The following WDPCP variants were observed in gnomAD, a reference collection of about 807,000 sequenced individuals.
WDPCP encodes the protein WD repeat-containing and planar cell polarity effector protein fritz homolog.
WDPCP carries 71 observed loss-of-function variants against 93.1 expected under a neutral mutation model. The observed-to-expected ratio is 0.76, with a 90% CI of 0.63 to 0.93. The LOEUF is 0.93. Ranked by LOEUF, WDPCP falls within the 40% of genes least tolerant of loss-of-function variation. The pLI, the probability that WDPCP is intolerant of heterozygous loss-of-function variation, is 0.00. For missense variants in WDPCP, 844 were observed against 887.4 expected, an observed-to-expected ratio of 0.95 and a Z score of 0.62; for synonymous variants, 315 against 315.0, an observed-to-expected ratio of 1.00 and a Z score of 0.00.
At chr2:63,503,152 T>C (rs1009894300) in intron 1 of WDPCP, among the ~76,000 whole-genome samples, 1 of 152,238 alleles carries the variant, frequency 6.6e-6, no homozygotes, top group Non-Finnish European at 1.5e-5. Context: ...AAATAGATCT[T>C]GTCAATTTAA....
the WDPCP span, among the ~76,000 whole-genome samples, chr2:63,840,131 A>C: frequency 6.6e-6 from 1 of 152,234 alleles, no homozygotes; most frequent in African/African-American, 2.4e-5. Flanking sequence ...GGCGCTGGCA[A>C]ATCATCTGCC....
chr2:63,301,827 T>TAC (rs1685356786), intron 13 of WDPCP, among the ~76,000 whole-genome samples: 1 of 150,722 alleles, frequency 6.6e-6, no homozygotes, highest in Non-Finnish European at 1.5e-5. Flanking sequence ...TCTAGATGGG[T>TAC]ACTATCTGAA....
intron 2 of WDPCP, among the ~76,000 whole-genome samples, chr2:63,759,767 C>T (rs147356473): frequency 4.6e-5 from 7 of 152,346 alleles, no homozygotes; most frequent in East Asian, 1.9e-4. Context: ...TCCTTCTCAC[C>T]GGCCTGCTGC....
At chr2:63,487,350 ATCTAAAGCTCATGAGAAGAGAGCT>A in intron 3 of WDPCP, 73 bp downstream of exon 3, 1 of 868,614 alleles carries the variant, frequency 1.2e-6, no homozygotes, top group East Asian at 2.6e-5. Flanking sequence ...TCTAGAATTT[ATCTAAAGCTCATGAGAAGAGAGCT>A]TTTAATGGTC....
At chr2:63,747,359 T>G (rs1051757198) in intron 2 of WDPCP, among the ~76,000 whole-genome samples, 6 of 152,192 alleles carry the variant, frequency 3.9e-5, no homozygotes, top group African/African-American at 1.4e-4. Context: ...GAAATCCTTC[T>G]GTACTCTGTT....
chr2:63,630,081 C>CAAAGCA (rs1709849132), intron 3 of WDPCP, among the ~76,000 whole-genome samples: 1 of 152,060 alleles, frequency 6.6e-6, no homozygotes, highest in Non-Finnish European at 1.5e-5. Context: ...ATCAGAAAAG[C>CAAAGCA]TAAGCATAAG....
At position 63,400,794 on chromosome 2, in the gene WDPCP, A is replaced by G. The variant is rs916155581; in HGVS notation, c.1435+3254T>C. Reference sequence around the variant, plus strand: ...ATGGTACTGGTACCAAAACTGATATATAGACCAATGGAAGAGAAAGAAGAG... The same window carrying G: ...ATGGTACTGGTACCAAAACTGATATGTAGACCAATGGAAGAGAAAGAAGAG... On this transcript the variant is annotated intron_variant, in intron 10 of 17. Coordinates refer to ENST00000272321, the MANE Select transcript of WDPCP (RefSeq NM_015910.7). Among the ~76,000 whole-genome samples the G allele has an allele frequency of 2.0e-5, 3 of 152,208 alleles. 1 individual carries two copies. The highest frequency in any genetic ancestry group is 4.4e-5 in the Non-Finnish European group (3 of 68,046).
chr2:63,294,508 GAAAAAAA>G (rs59228476), intron 13 of WDPCP, among the ~76,000 whole-genome samples: 1 of 48,320 alleles, frequency 2.1e-5, no homozygotes, highest in African/African-American at 8.9e-5. Context: ...AGACTGTTTC[GAAAAAAA>G]AAAAAAAAAA....
intron 1 of WDPCP, among the ~76,000 whole-genome samples, chr2:63,575,826 G>A (rs1395352010): frequency 1.3e-5 from 2 of 151,754 alleles, no homozygotes; most frequent in East Asian, 1.9e-4. Flanking sequence ...ATTTAAATGG[G>A]AGATAATTTA....
At position 63,609,192 on chromosome 2, in the gene WDPCP, C is replaced by T. The variant is rs555568979; in HGVS notation, n.488+41467G>A. On this transcript the variant is annotated intron_variant and non_coding_transcript_variant, in intron 3 of 4. Transcript: ENST00000467687. Reference sequence around the variant, plus strand: ...GACTAGCCTGGCCAACATGGTGAAACCCTGTCACTACTAAAAATACAAAAA... The same window carrying T: ...GACTAGCCTGGCCAACATGGTGAAATCCTGTCACTACTAAAAATACAAAAA... Among the ~76,000 whole-genome samples the T allele has an allele frequency of 2.0e-5, 3 of 152,192 alleles. No homozygotes were observed. The South Asian group carries it at 6.2e-4, about 32-fold the overall frequency.
chr2:63,235,108 A>T (rs1679272554), intron 14 of WDPCP, among the ~76,000 whole-genome samples: 1 of 152,162 alleles, frequency 6.6e-6, no homozygotes, highest in African/African-American at 2.4e-5. Context: ...CTACATTAAC[A>T]AAGAAAAAAG....
At chr2:63,258,991 T>C (rs916118347) in intron 14 of WDPCP, among the ~76,000 whole-genome samples, 2 of 152,192 alleles carry the variant, frequency 1.3e-5, no homozygotes, top group Non-Finnish European at 1.5e-5. Flanking sequence ...TAAATTTCTG[T>C]GTTGGTTAAT....
chr2:63,373,281 C>A (rs189010809), intron 12 of WDPCP, among the ~76,000 whole-genome samples: 8 of 141,336 alleles, frequency 5.7e-5, no homozygotes, highest in Non-Finnish European at 9.1e-5. Context: ...AAATGACATA[C>A]GGTCTTGCTC....
At chr2:63,834,648 A>G in the WDPCP span, among the ~76,000 whole-genome samples, 1 of 152,220 alleles carries the variant, frequency 6.6e-6, no homozygotes, top group African/African-American at 2.4e-5. Flanking sequence ...CAGCATCTCT[A>G]CAGGTAGAGT....
chr2:63,678,097 A>C lies in WDPCP; in HGVS notation n.309-27259T>G, dbSNP rs1215619787. On this transcript the variant is annotated intron_variant and non_coding_transcript_variant, in intron 2 of 4. Transcript: ENST00000467687. ...AATAGGGGTTCATTTTTCTAATATA[A>C]CAAGAAATTAATGCAAATGCCAAAT... is the stretch of plus-strand genomic sequence containing the variant. 3.3e-5 allele frequency among the ~76,000 whole-genome samples: 5 copies of C among 152,326 alleles called. No homozygotes were observed. In the East Asian group the frequency reaches 9.6e-4, roughly 29 times the overall value.
At chr2:63,493,474 CTG>C (rs537818164) in intron 1 of WDPCP, among the ~76,000 whole-genome samples, 25 of 151,628 alleles carry the variant, frequency 1.6e-4, no homozygotes, top group Middle Eastern at 7.0e-3. Flanking sequence ...AAAGTAAACT[CTG>C]AAACCACATT....
At chr2:63,621,455 T>A (rs981472566) in intron 3 of WDPCP, among the ~76,000 whole-genome samples, 6 of 151,820 alleles carry the variant, frequency 4.0e-5, no homozygotes, top group Non-Finnish European at 8.8e-5. Flanking sequence ...TGAAATAAAA[T>A]GTGAAGACAA....
intron 2 of WDPCP, among the ~76,000 whole-genome samples, chr2:63,811,964 A>T (rs1670869506): frequency 6.6e-6 from 1 of 152,184 alleles, no homozygotes; most frequent in Admixed American, 6.5e-5. Flanking sequence ...CTCTGGGCTC[A>T]GGTGATCCTC....
chr2:63,317,408 C>CAAAA (rs35537195), intron 12 of WDPCP, among the ~76,000 whole-genome samples: 10 of 135,000 alleles, frequency 7.4e-5, no homozygotes, highest in African/African-American at 5.5e-5. Flanking sequence ...AACTACATCT[C>CAAAA]AAAAAAAAAA....
Sources: allele counts gnomAD v4.1 joint callset (sites outside exome capture counted in the v4.1 genomes callset), GRCh38; gene constraint gnomAD v4.1.1; transcripts MANE v1.5; gene names NCBI Gene and HGNC (gene_info 2026-07-23, HGNC 2026-07-21).